Variants in OGDH observed in about 807,000 individuals in gnomAD.
The protein encoded by OGDH is oxoglutarate dehydrogenase.
Under a neutral mutation model 116.6 loss-of-function variants are expected in OGDH, and 38 were observed. The ratio of observed to expected loss-of-function variants is 0.33; its 90% CI spans 0.25 to 0.43. The LOEUF (loss-of-function observed/expected upper bound fraction) is 0.43, where lower values mean the gene tolerates loss of function less well. Ranked by LOEUF, OGDH falls within the 20% of genes least tolerant of loss-of-function variation. OGDH has a pLI of 1.00. For missense variants in OGDH, 825 were observed against 1,357.2 expected (o/e 0.61, Z 6.16); for synonymous variants, 488 against 533.3 (o/e 0.92, Z 1.17).
intron 2 of OGDH, among the ~76,000 whole-genome samples, chr7:44,625,800 CACTT>C (rs1269217445): frequency 6.6e-6 from 1 of 151,638 alleles, no homozygotes; most frequent in Admixed American, 6.6e-5. Context: ...GTATTAGTGA[CACTT>C]ACGAATTTTT....
intron 1 of OGDH, among the ~76,000 whole-genome samples, chr7:44,610,691 GCAACCTC>G (rs1784528754): frequency 6.6e-6 from 1 of 151,732 alleles, no homozygotes; most frequent in African/African-American, 2.4e-5. Context: ...TTGGCTCACT[GCAACCTC>G]CACCTCCCCG....
chr7:44,696,580 G>A (rs1788590342), intron 14 of OGDH, 23 bp downstream of exon 14: 5 of 1,613,402 alleles, frequency 3.1e-6, no homozygotes, highest in Non-Finnish European at 1.7e-6. Flanking sequence ...GTGCTGACCT[G>A]TGGAAATGTT....
intron 13 of OGDH, 89 bp downstream of exon 13, chr7:44,696,216 A>G: frequency 9.0e-7 from 1 of 1,114,188 alleles, no homozygotes; most frequent in Non-Finnish European, 1.3e-6. Flanking sequence ...CATGCTTTCC[A>G]CTTTGTACCC....
chr7:44,648,168 G>T (rs1431714699), intron 4 of OGDH, among the ~76,000 whole-genome samples: 1 of 152,222 alleles, frequency 6.6e-6, no homozygotes, highest in Non-Finnish European at 1.5e-5. Flanking sequence ...CTTTTCTGAA[G>T]CCCAGTGTGG....
In OGDH at chr7:44,681,856, A is replaced by G; in HGVS notation, c.1335+8A>G. 1 of 1,614,048 alleles carries G rather than the reference A, an allele frequency of 6.2e-7. No individual in the cohort carries two copies. The highest frequency in any genetic ancestry group is 8.5e-7 in the Non-Finnish European group (1 of 1,179,948). ...GTGGTCGTCAACAACCAGGTACCTC[A>G]CACCAGCCTGCGGCTTTGCTGCTCA... On this transcript the variant is annotated splice_region_variant and intron_variant, in intron 10 of 22. Coordinates refer to ENST00000222673, the MANE Select transcript of OGDH (RefSeq NM_002541.4).
intron 20 of OGDH, among the ~76,000 whole-genome samples, chr7:44,702,789 G>A (rs1021036296): frequency 6.6e-6 from 1 of 151,930 alleles, no homozygotes; most frequent in Middle Eastern, 3.2e-3. Flanking sequence ...GTAGAGACGG[G>A]GTTTCACCGT....
At chr7:44,675,392 C>T (rs931352182) in intron 8 of OGDH, 124 bp downstream of exon 8, 1 of 811,894 alleles carries the variant, frequency 1.2e-6, no homozygotes, top group African/African-American at 1.7e-5. Flanking sequence ...GATTTGCCTT[C>T]CTTGTTGGGA....
chr7:44,661,263 A>T (rs1180539319), intron 4 of OGDH, among the ~76,000 whole-genome samples: 1 of 152,180 alleles, frequency 6.6e-6, no homozygotes, highest in Non-Finnish European at 1.5e-5. Flanking sequence ...TATTAATATA[A>T]GCCATTCCTA....
intron 5 of OGDH, among the ~76,000 whole-genome samples, chr7:44,672,757 G>A (rs983312370): frequency 3.3e-5 from 5 of 150,638 alleles, no homozygotes; most frequent in African/African-American, 7.4e-5. Flanking sequence ...ATTCTCCTGC[G>A]TCAGCCTCCT....
chr7:44,671,498 T>A (rs1212109474), intron 5 of OGDH, among the ~76,000 whole-genome samples: 6 of 151,856 alleles, frequency 4.0e-5, no homozygotes, highest in Non-Finnish European at 7.4e-5. Context: ...GCGCGGTGGC[T>A]CACGCCTGTA....
intron 1 of OGDH, among the ~76,000 whole-genome samples, chr7:44,611,482 AC>A (rs1784564897): frequency 6.6e-6 from 1 of 150,506 alleles, no homozygotes; most frequent in African/African-American, 2.4e-5. Context: ...TCACTGTGTT[AC>A]CCAGGATGGT....
At chr7:44,608,086 A>G (rs1784424005) in intron 1 of OGDH, among the ~76,000 whole-genome samples, 1 of 151,990 alleles carries the variant, frequency 6.6e-6, no homozygotes, top group Non-Finnish European at 1.5e-5. Flanking sequence ...AAATTCACAT[A>G]CCATACGATT....
intron 2 of OGDH, among the ~76,000 whole-genome samples, chr7:44,631,482 A>G (rs1187920048): frequency 6.6e-6 from 1 of 152,226 alleles, no homozygotes; most frequent in East Asian, 1.9e-4. Flanking sequence ...TTAACTTCAC[A>G]TGTTAAGAGC....
chr7:44,680,495 A>C (rs183381094), intron 9 of OGDH, among the ~76,000 whole-genome samples: 1 of 151,934 alleles, frequency 6.6e-6, no homozygotes, highest in East Asian at 1.9e-4. Context: ...AAAGTGTTGG[A>C]TTAAAATTTG....
chr7:44,699,097 T>C (rs555292136), intron 18 of OGDH, among the ~76,000 whole-genome samples: 7 of 151,762 alleles, frequency 4.6e-5, no homozygotes, highest in Admixed American at 6.6e-5. Context: ...GAGCCAAGAT[T>C]GTGCCGCTGC....
intron 1 of OGDH, among the ~76,000 whole-genome samples, chr7:44,611,690 C>T (rs905919896): frequency 3.9e-5 from 6 of 152,014 alleles, no homozygotes; most frequent in African/African-American, 9.7e-5. Flanking sequence ...GGATTACAGG[C>T]GTGAGCCACT....
intron 4 of OGDH, among the ~76,000 whole-genome samples, chr7:44,657,777 A>G (rs372755980): frequency 1.3e-5 from 2 of 152,218 alleles, no homozygotes; most frequent in African/African-American, 4.8e-5. Flanking sequence ...TTACATATAA[A>G]TCTATCATCC....
chr7:44,665,501 G>GA (rs1787148055), intron 4 of OGDH, among the ~76,000 whole-genome samples: 1 of 152,162 alleles, frequency 6.6e-6, no homozygotes, highest in Admixed American at 6.5e-5. Context: ...GAGACTCACT[G>GA]ATTCAGTACC....
rs747721215 is a variant in OGDH at position 44,707,186 on chromosome 7, C to G, written c.2633-39C>G. 1.7e-5 allele frequency: 28 copies of G among 1,606,664 alleles called. No homozygotes were observed. In the South Asian group the frequency reaches 3.1e-4, roughly 18 times the overall value. On this transcript the variant is annotated intron_variant, in intron 20 of 22. Coordinates refer to ENST00000222673, the MANE Select transcript of OGDH (RefSeq NM_002541.4). The surrounding 1 kb of genome is among the most constrained non-coding windows in gnomAD (Gnocchi z 5.2). ...GCCCAGGAGAGCTCTCAGCCACATA[C>G]CTGAGAGAACCAGCCTAGCCATGGG...
Sources: allele counts gnomAD v4.1 joint callset (sites outside exome capture counted in the v4.1 genomes callset), GRCh38; gene constraint gnomAD v4.1.1; non-coding constraint Gnocchi (gnomAD v3.1); transcripts MANE v1.5; gene names NCBI Gene and HGNC (gene_info 2026-07-23, HGNC 2026-07-21).